The following SLC8A1 variants were observed in gnomAD, a reference collection of about 807,000 sequenced individuals.
SLC8A1 encodes solute carrier family 8 member A1, also known as sodium/calcium exchanger 1.
In SLC8A1, 18 loss-of-function variants were observed where a neutral mutation model predicts 68.3. That is an observed-to-expected ratio of 0.26 (90% CI 0.18 to 0.39). The LOEUF (loss-of-function observed/expected upper bound fraction) is 0.39, where lower values mean the gene tolerates loss of function less well. Among genes scored for constraint, SLC8A1 ranks in the 10% least tolerant of loss-of-function variants. The pLI is 1.00. For missense variants in SLC8A1, 985 were observed against 1,156.7 expected, an observed-to-expected ratio of 0.85 and a Z score of 2.15; for synonymous variants, 475 against 415.5, an observed-to-expected ratio of 1.14 and a Z score of -1.74.
At chr2:40,377,843 G>T (rs1047955396) in intron 2 of SLC8A1, among the ~76,000 whole-genome samples, 2 of 152,084 alleles carry the variant, frequency 1.3e-5, no homozygotes, top group Non-Finnish European at 2.9e-5. Flanking sequence ...CTTCCTCAAG[G>T]CCATTCAGTT....
chr2:40,507,375 A>G (rs1045068026), intron 1 of SLC8A1, among the ~76,000 whole-genome samples: 1 of 151,986 alleles, frequency 6.6e-6, no homozygotes, highest in Non-Finnish European at 1.5e-5. Context: ...AAAAATGTCT[A>G]CTCAACACTT....
intron 1 of SLC8A1, among the ~76,000 whole-genome samples, chr2:40,490,260 G>A (rs190921059): frequency 5.6e-4 from 85 of 152,226 alleles, no homozygotes; most frequent in Non-Finnish European, 8.4e-4. Context: ...AGCATGGCAA[G>A]ATAAGTTTCT....
chr2:40,120,476 A>C (rs148669537), intron 7 of SLC8A1, among the ~76,000 whole-genome samples: 126 of 152,288 alleles, frequency 8.3e-4, no homozygotes, highest in African/African-American at 2.8e-3. Context: ...TCACTTTTTT[A>C]GATTGCAGTT....
intron 2 of SLC8A1, among the ~76,000 whole-genome samples, chr2:40,282,850 T>C (rs6544317): frequency 0.53 from 80,524 of 151,906 alleles, 23,929 homozygotes; most frequent in African/African-American, 0.8. Flanking sequence ...ATGCAGACAT[T>C]CTTCCCATCC....
intron 2 of SLC8A1, among the ~76,000 whole-genome samples, chr2:40,287,515 C>T (rs746144379): frequency 9.9e-5 from 15 of 151,458 alleles, no homozygotes; most frequent in Non-Finnish European, 1.9e-4. Context: ...AGACATACAC[C>T]TGCCCAAAGC....
At chr2:40,193,068 T>C (rs1269696307) in intron 2 of SLC8A1, among the ~76,000 whole-genome samples, 1 of 152,176 alleles carries the variant, frequency 6.6e-6, no homozygotes, top group African/African-American at 2.4e-5. Flanking sequence ...GTTGACTCAC[T>C]GTCTGTACTT....
intron 2 of SLC8A1, among the ~76,000 whole-genome samples, chr2:40,257,866 A>C (rs2064152110): frequency 6.6e-6 from 1 of 152,192 alleles, no homozygotes; most frequent in African/African-American, 2.4e-5. Flanking sequence ...CCACATGGAC[A>C]CAGGACTGCA....
exon 2 of SLC8A1, chr2:40,429,180 T>G: frequency 6.2e-7 from 1 of 1,613,746 alleles, no homozygotes; most frequent in Non-Finnish European, 8.5e-7. Flanking sequence ...GGCGAGTAGC[T>G]TGAATGCGAT....
upstream of SLC8A1, chr2:40,453,225 G>C (rs991067943): frequency 6.6e-6 from 1 of 152,108 alleles, no homozygotes; most frequent in African/African-American, 2.4e-5. Context: ...CCCGTTGTAG[G>C]TCTCAAATGG....
chr2:40,188,689 C>G (rs567910567), intron 2 of SLC8A1, among the ~76,000 whole-genome samples: 10 of 152,332 alleles, frequency 6.6e-5, no homozygotes, highest in African/African-American at 2.2e-4. Flanking sequence ...CTGAAAGCAT[C>G]TCTGTCAGAA....
chr2:40,326,245 T>C (rs2075814368), intron 2 of SLC8A1, among the ~76,000 whole-genome samples: 1 of 152,144 alleles, frequency 6.6e-6, no homozygotes, highest in Non-Finnish European at 1.5e-5. Flanking sequence ...CTGTTTTCTG[T>C]TTACCCCTTA....
At chr2:40,235,587 G>A (rs1471597069) in intron 2 of SLC8A1, among the ~76,000 whole-genome samples, 4 of 151,878 alleles carry the variant, frequency 2.6e-5, no homozygotes, top group Admixed American at 1.3e-4. Context: ...GGTTTTTGGT[G>A]TCTCTATTTC....
At chr2:40,483,680 T>C (rs555010844) in intron 1 of SLC8A1, among the ~76,000 whole-genome samples, 4 of 152,318 alleles carry the variant, frequency 2.6e-5, no homozygotes, top group African/African-American at 9.6e-5. Flanking sequence ...AGAAGTCTCA[T>C]GTGGCAATTT....
rs570789633 is a variant in SLC8A1, at chr2:40,411,996, G to A, written c.1808+16477C>T. Among the ~76,000 whole-genome samples the A allele has an allele frequency of 2.0e-5, 3 of 152,120 alleles. No individual in the cohort carries two copies. The East Asian group carries it at 5.8e-4, about 29-fold the overall frequency. ...TAATTTACTTTTCATAAATACCATT[G>A]ATATAGAAAAATTTACTTTGTTTTT... On this transcript the variant is annotated intron_variant, in intron 2 of 7. Coordinates refer to ENST00000406785, the Ensembl canonical transcript of SLC8A1.
intron 1 of SLC8A1, among the ~76,000 whole-genome samples, chr2:40,442,643 T>C (rs1700722384): frequency 6.6e-6 from 1 of 152,154 alleles, no homozygotes; most frequent in Non-Finnish European, 1.5e-5. Flanking sequence ...GAAATGCTTT[T>C]ATACTGTTGA....
chr2:40,148,841 G>A (rs901503320), intron 6 of SLC8A1, among the ~76,000 whole-genome samples: 1 of 152,214 alleles, frequency 6.6e-6, no homozygotes, highest in African/African-American at 2.4e-5. Context: ...GTGGAATTCA[G>A]ATGGAGCATC....
chr2:40,376,480 T>A (rs900152042), intron 2 of SLC8A1, among the ~76,000 whole-genome samples: 1 of 152,126 alleles, frequency 6.6e-6, no homozygotes, highest in Non-Finnish European at 1.5e-5. Context: ...ATTGTAAATC[T>A]GAGGAGGTCT....
intron 2 of SLC8A1, among the ~76,000 whole-genome samples, chr2:40,389,270 G>A (rs950786590): frequency 2.0e-5 from 3 of 151,822 alleles, no homozygotes; most frequent in Non-Finnish European, 2.9e-5. Flanking sequence ...CCTTTATAAT[G>A]TTGTGAATCC....
At chr2:40,260,099 A>G (rs1358762703) in intron 2 of SLC8A1, among the ~76,000 whole-genome samples, 1 of 152,230 alleles carries the variant, frequency 6.6e-6, no homozygotes, top group Non-Finnish European at 1.5e-5. Flanking sequence ...TTACATATCA[A>G]CAATGACTCA....
Sources: gnomAD v4.1 joint callset for allele counts (sites outside exome capture counted in the v4.1 genomes callset) on GRCh38, gnomAD v4.1.1 for gene constraint, MANE v1.5 for transcripts, NCBI Gene and HGNC (gene_info 2026-07-23, HGNC 2026-07-21) for gene names.